Variants in SFXN5 observed in about 807,000 individuals in gnomAD.
SFXN5 encodes sideroflexin-5.
A neutral mutation model predicts 50.2 loss-of-function variants in SFXN5; 43 were observed. The ratio of observed to expected loss-of-function variants is 0.86; its 90% CI spans 0.67 to 1.11. SFXN5 has a LOEUF of 1.11. SFXN5 is among the 50% of genes least tolerant of loss of function. SFXN5 has a pLI of 0.00. For synonymous variants in SFXN5, 203 were observed against 185.8 expected (o/e 1.09, Z -0.75); for missense variants, 463 against 454.1 (o/e 1.02, Z -0.18).
Position 73,039,065 on chromosome 2 carries a change from T to C in SFXN5, c.249+1789A>G, listed in dbSNP as rs546192208. Among the ~76,000 whole-genome samples the C allele has an allele frequency of 7.7e-4, 117 of 152,284 alleles. No homozygotes were observed. In the South Asian group the frequency reaches 0.024, roughly 31 times the overall value. On this transcript the variant is annotated intron_variant, in intron 3 of 13. Transcript: ENST00000272433. ...TCCTCAGCCTCCCAAGTAGCTGGGA[T>C]TACAAACATGTACCACTATGCCCGG...
intron 2 of SFXN5, among the ~76,000 whole-genome samples, chr2:73,048,229 T>C (rs1453609020): frequency 1.3e-5 from 2 of 152,210 alleles, no homozygotes; most frequent in Non-Finnish European, 2.9e-5. Flanking sequence ...TCCCAGTTTT[T>C]GTTTGTTTTT....
At chr2:72,988,805 C>A (rs1260798541) in intron 9 of SFXN5, among the ~76,000 whole-genome samples, 2 of 152,082 alleles carry the variant, frequency 1.3e-5, no homozygotes, top group African/African-American at 4.8e-5. Context: ...GTGGGCCCAG[C>A]CAGACCATAA....
chr2:72,968,496 G>A lies in SFXN5; in HGVS notation c.779C>T (p.Pro260Leu), dbSNP rs368696442. The change falls in exon 12 of 14, where the codon CCC becomes CTC. Residue 260 changes from proline (P) to leucine (L), a missense_variant. By Grantham distance (98) the Pro-to-Leu change is moderately conservative. Transcript: ENST00000272433. ...LETALTRVVLPMPILVLPPIV... is the reference protein window; with the variant it reads ...LETALTRVVLLMPILVLPPIV... Reference sequence around the variant, plus strand: ...CGGGGGTAGCACCAGGATGGGCATGGGCAGGACCACTCGCGTCAGCGCCGT... The same window carrying A: ...CGGGGGTAGCACCAGGATGGGCATGAGCAGGACCACTCGCGTCAGCGCCGT... 76 of 1,613,174 alleles carry A rather than the reference G, an allele frequency of 4.7e-5. No homozygotes were observed. Among genetic ancestry groups the A allele is most frequent in the Middle Eastern group, 1.8e-4 (1 of 5,454 alleles).
At chr2:73,044,868 C>G (rs1680117064) in intron 2 of SFXN5, among the ~76,000 whole-genome samples, 1 of 152,222 alleles carries the variant, frequency 6.6e-6, no homozygotes, top group African/African-American at 2.4e-5. Context: ...GCTCCAGCAG[C>G]ACAGAATTTG....
At chr2:73,047,245 AATAT>A (rs1167103035) in intron 2 of SFXN5, among the ~76,000 whole-genome samples, 414 of 18,880 alleles carry the variant, frequency 0.022, 14 homozygotes, top group African/African-American at 0.043. Context: ...AAAAAAAAAA[AATAT>A]ATATATATAT....
At chr2:72,999,157 AG>A in intron 8 of SFXN5, 143 bp from the exon 9 acceptor site, 1 of 771,754 alleles carries the variant, frequency 1.3e-6, no homozygotes, top group Non-Finnish European at 2.2e-6. Flanking sequence ...CAGGACTCAA[AG>A]GGATCAGGCC....
chr2:73,016,992 T>C (rs2105802164), intron 6 of SFXN5, among the ~76,000 whole-genome samples: 1 of 152,306 alleles, frequency 6.6e-6, no homozygotes, highest in East Asian at 1.9e-4. Flanking sequence ...CTGCCCAGCA[T>C]GGTGAAAGTA....
At chr2:72,984,206 C>T (rs1671633277) in intron 10 of SFXN5, among the ~76,000 whole-genome samples, 1 of 152,256 alleles carries the variant, frequency 6.6e-6, no homozygotes, top group Non-Finnish European at 1.5e-5. Flanking sequence ...AGATCTCCCA[C>T]ACGATTGCTG....
In SFXN5 at chr2:72,992,539, C is replaced by A. The variant is rs1672721117; in HGVS notation, c.535-4191G>T. On this transcript the variant is annotated intron_variant, in intron 9 of 13. Transcript: ENST00000272433. This position sits in a 1 kb window ranked among gnomAD's most constrained non-coding sequence, Gnocchi z 4.5. ...AGGTTGTCTCGTTCTTCCTCACCCA[C>A]ACCCCAGCCTCCTCGCCCATTTCCA... Among the ~76,000 whole-genome samples the A allele has an allele frequency of 6.6e-6, 1 of 152,220 alleles. No homozygotes were observed. The highest frequency in any genetic ancestry group is 1.5e-5 in the Non-Finnish European group (1 of 68,034).
intron 1 of SFXN5, among the ~76,000 whole-genome samples, chr2:73,069,627 A>G (rs568387465): frequency 1.3e-5 from 2 of 152,296 alleles, no homozygotes; most frequent in Non-Finnish European, 2.9e-5. Context: ...TGCCTTCAAG[A>G]GCAGTGCCAA....
Position 72,961,328 on chromosome 2 carries a change from T to G in SFXN5, c.828-80A>C, listed in dbSNP as rs989927829. ...TGCCAGCCACCATGCTGGGTCCCAC[T>G]CTGTCTCTGGGCCCAGGAAGCGTGG... On this transcript the variant is annotated intron_variant, in intron 12 of 13. Transcript: ENST00000272433. This position sits in a 1 kb window ranked among gnomAD's most constrained non-coding sequence, Gnocchi z 4.4. 6 of 938,690 alleles carry G rather than the reference T, an allele frequency of 6.4e-6. No individual in the cohort carries two copies. Among genetic ancestry groups the G allele is most frequent in the African/African-American group, 1.7e-5 (1 of 58,200 alleles). 58.1% of individuals were successfully genotyped at this position (938,690 alleles called of 1,614,324 possible). A position where few individuals can be genotyped will look rare whatever the true frequency, so the allele number is the denominator to read the frequency against.
chr2:72,972,953 G>T (rs894016613), intron 10 of SFXN5, among the ~76,000 whole-genome samples: 1 of 151,988 alleles, frequency 6.6e-6, no homozygotes, highest in Non-Finnish European at 1.5e-5. Flanking sequence ...GGAGGGTGGC[G>T]GGGCCTAGTG....
At chr2:73,033,032 A>C (rs927807478) in intron 3 of SFXN5, among the ~76,000 whole-genome samples, 2 of 151,956 alleles carry the variant, frequency 1.3e-5, no homozygotes, top group Admixed American at 6.6e-5. Context: ...TTCCCTATAC[A>C]CGCAGTTTGT....
At chr2:72,979,697 GAGAAGT>G (rs1671061754) in intron 10 of SFXN5, among the ~76,000 whole-genome samples, 1 of 152,130 alleles carries the variant, frequency 6.6e-6, no homozygotes, top group Non-Finnish European at 1.5e-5. Context: ...GGCTATTAAG[GAGAAGT>G]TACAATTTTA....
chr2:73,042,741 G>A (rs759484745), intron 2 of SFXN5, among the ~76,000 whole-genome samples: 5 of 152,018 alleles, frequency 3.3e-5, no homozygotes, highest in Non-Finnish European at 7.4e-5. Context: ...ACAGTGAGCC[G>A]TGTTTGCACC....
intron 6 of SFXN5, among the ~76,000 whole-genome samples, chr2:73,004,165 G>C (rs1674290260): frequency 6.6e-6 from 1 of 152,086 alleles, no homozygotes; most frequent in African/African-American, 2.4e-5. Context: ...TCTGATTTTA[G>C]GGTACTCCTT....
intron 2 of SFXN5, among the ~76,000 whole-genome samples, chr2:73,047,269 T>TACACACAC (rs1433865168): frequency 2.6e-5 from 2 of 76,898 alleles, no homozygotes; most frequent in Non-Finnish European, 4.7e-5. Context: ...TATATATATA[T>TACACACAC]ATATATACAC....
chr2:72,943,164 G>C lies in SFXN5; in HGVS notation c.*1858C>G, dbSNP rs1166976946. ...GGGCAGCAGGTGGGCTGCTCCTCAGGAGAGTGGCAGGCCCCTCAGGGCAAT... is the reference window on the plus strand; with the variant it reads ...GGGCAGCAGGTGGGCTGCTCCTCAGCAGAGTGGCAGGCCCCTCAGGGCAAT... On this transcript the variant is annotated 3_prime_UTR_variant, in exon 14 of 14. Coordinates refer to ENST00000272433, the MANE Select transcript of SFXN5 (RefSeq NM_144579.3). 6.6e-6 allele frequency: 1 copy of C among 152,258 alleles called. No homozygotes were observed. The highest frequency in any genetic ancestry group is 2.4e-5 in the African/African-American group (1 of 41,454). The allele number at this position is 152,258 out of a possible 1,614,324, so 9.4% of individuals were successfully genotyped here.
intron 11 of SFXN5, among the ~76,000 whole-genome samples, chr2:72,969,480 C>A (rs1238473293): frequency 6.6e-6 from 1 of 151,986 alleles, no homozygotes; most frequent in Non-Finnish European, 1.5e-5. Context: ...CTGCAACCTC[C>A]ACCTCCTGGG....
Sources: gnomAD v4.1 joint callset for allele counts (sites outside exome capture counted in the v4.1 genomes callset) on GRCh38, gnomAD v4.1.1 for gene constraint, Gnocchi (gnomAD v3.1) non-coding constraint, MANE v1.5 for transcripts, NCBI Gene and HGNC (gene_info 2026-07-23, HGNC 2026-07-21) for gene names.